FHIT: variants seen among roughly 807,000 people sequenced by gnomAD.
The protein encoded by FHIT is bis(5'-adenosyl)-triphosphatase.
FHIT carries 19 observed loss-of-function variants against 17.9 expected under a neutral mutation model. That is an observed-to-expected ratio of 1.06 (90% confidence interval 0.74 to 1.56). FHIT has a LOEUF of 1.56. FHIT is among the 40% of genes most tolerant of loss of function. The pLI, the probability that FHIT is intolerant of heterozygous loss-of-function variation, is 0.00. For missense variants in FHIT, 248 were observed against 189.2 expected, an observed-to-expected ratio of 1.31 and a Z score of -1.82; for synonymous variants, 81 against 69.7, an observed-to-expected ratio of 1.16 and a Z score of -0.81.
At chr3:60,189,193 G>A (rs1280034359) in intron 5 of FHIT, among the ~76,000 whole-genome samples, 4 of 150,584 alleles carry the variant, frequency 2.7e-5, no homozygotes, top group Non-Finnish European at 5.9e-5. Flanking sequence ...TCAAATAAAT[G>A]AAAGGGAAAA....
intron 5 of FHIT, among the ~76,000 whole-genome samples, chr3:60,489,724 T>C (rs1365674930): frequency 6.6e-6 from 1 of 152,208 alleles, no homozygotes; most frequent in African/African-American, 2.4e-5. Flanking sequence ...GTGGTAATTT[T>C]TGGGGATCTC....
intron 2 of FHIT, among the ~76,000 whole-genome samples, chr3:61,126,845 C>T (rs1331447214): frequency 1.3e-5 from 2 of 151,914 alleles, no homozygotes; most frequent in Non-Finnish European, 2.9e-5. Flanking sequence ...TTGTAAAAAC[C>T]CCAAGAAGAT....
At chr3:60,246,424 C>T (rs1705399070) in intron 5 of FHIT, among the ~76,000 whole-genome samples, 1 of 152,034 alleles carries the variant, frequency 6.6e-6, no homozygotes, top group Non-Finnish European at 1.5e-5. Flanking sequence ...AAACAGTTCA[C>T]AGGTTTCTTA....
chr3:59,991,530 C>A (rs1709232985), intron 7 of FHIT, among the ~76,000 whole-genome samples: 1 of 151,940 alleles, frequency 6.6e-6, no homozygotes, highest in African/African-American at 2.4e-5. Context: ...TATTATAATC[C>A]CAAACAGACA....
intron 4 of FHIT, among the ~76,000 whole-genome samples, chr3:60,716,617 T>C (rs1553706888): frequency 6.6e-6 from 1 of 152,196 alleles, no homozygotes; most frequent in Admixed American, 6.5e-5. Context: ...TATAGTTAAC[T>C]GTTCTTTAAT....
intron 8 of FHIT, among the ~76,000 whole-genome samples, chr3:59,767,262 G>T (rs1205785929): frequency 6.6e-6 from 1 of 152,170 alleles, no homozygotes; most frequent in African/African-American, 2.4e-5. Context: ...ACTTTCGGAG[G>T]CTGAGGCAGG....
chr3:60,887,704 C>CA (rs533916037), intron 3 of FHIT, among the ~76,000 whole-genome samples: 108 of 151,934 alleles, frequency 7.1e-4, no homozygotes, highest in African/African-American at 2.4e-3. Context: ...TCCCTTTTAC[C>CA]AAAAAAGGGT....
At chr3:60,826,623 C>G (rs921315331) in intron 3 of FHIT, among the ~76,000 whole-genome samples, 1 of 152,178 alleles carries the variant, frequency 6.6e-6, no homozygotes, top group African/African-American at 2.4e-5. Context: ...AGCAGACTGT[C>G]TCAGCGTGGA....
At chr3:59,859,219 G>T (rs530435590) in intron 8 of FHIT, among the ~76,000 whole-genome samples, 1 of 152,146 alleles carries the variant, frequency 6.6e-6, no homozygotes, top group African/African-American at 2.4e-5. Flanking sequence ...GTGGGGATAC[G>T]GTCAGTGTGG....
intron 8 of FHIT, among the ~76,000 whole-genome samples, chr3:59,869,842 C>T (rs190000536): frequency 1.3e-5 from 2 of 152,102 alleles, no homozygotes; most frequent in African/African-American, 4.8e-5. Flanking sequence ...GAAAGCTGCC[C>T]ACTGTAATTC....
chr3:60,894,852 TC>T (rs1705706843), intron 3 of FHIT, among the ~76,000 whole-genome samples: 1 of 152,138 alleles, frequency 6.6e-6, no homozygotes, highest in African/African-American at 2.4e-5. Flanking sequence ...CTGCTCCCCT[TC>T]CCTCAAACAA....
chr3:60,570,727 A>G (rs1043618046), intron 4 of FHIT, among the ~76,000 whole-genome samples: 1 of 58,946 alleles, frequency 1.7e-5, no homozygotes. Context: ...TACTTAGTAC[A>G]TTAAAAAATT....
intron 4 of FHIT, among the ~76,000 whole-genome samples, chr3:60,706,514 G>C (rs1483300073): frequency 6.6e-6 from 1 of 152,110 alleles, no homozygotes; most frequent in Admixed American, 6.6e-5. Context: ...CAAGTCTTTG[G>C]GTTAGAATGA....
At chr3:60,273,487 G>A (rs1434513009) in intron 5 of FHIT, among the ~76,000 whole-genome samples, 3 of 152,012 alleles carry the variant, frequency 2.0e-5, no homozygotes, top group Admixed American at 6.6e-5. Context: ...GCGGGTGCCT[G>A]TCCTCCCAGC....
chr3:60,526,655 T>A (rs879899650), intron 5 of FHIT, among the ~76,000 whole-genome samples: 4 of 152,146 alleles, frequency 2.6e-5, no homozygotes, highest in Non-Finnish European at 5.9e-5. Context: ...CATTCAAGAA[T>A]GCAAAGATGA....
At chr3:60,201,637 A>G (rs982369800) in intron 5 of FHIT, among the ~76,000 whole-genome samples, 1 of 152,140 alleles carries the variant, frequency 6.6e-6, no homozygotes, top group South Asian at 2.1e-4. Flanking sequence ...TTAACCACCT[A>G]TTGCAGTACT....
chr3:61,223,163 C>T (rs767426709), intron 1 of FHIT, among the ~76,000 whole-genome samples: 5 of 152,292 alleles, frequency 3.3e-5, no homozygotes, highest in East Asian at 3.9e-4. Context: ...GGCCTAACAA[C>T]ATCTGACATT....
chr3:59,762,437 A>G (rs997862429), intron 8 of FHIT, among the ~76,000 whole-genome samples: 1 of 152,148 alleles, frequency 6.6e-6, no homozygotes, highest in African/African-American at 2.4e-5. Flanking sequence ...ACATAAAACA[A>G]GGAACTTAAA....
intron 4 of FHIT, among the ~76,000 whole-genome samples, chr3:60,636,490 A>G (rs1440294841): frequency 6.6e-6 from 1 of 152,178 alleles, no homozygotes; most frequent in African/African-American, 2.4e-5. Context: ...ATAAATTCCT[A>G]TGGATGGACA....
Sources: gnomAD v4.1 joint callset for allele counts (sites outside exome capture counted in the v4.1 genomes callset) on GRCh38, gnomAD v4.1.1 for gene constraint, MANE v1.5 for transcripts, NCBI Gene and HGNC (gene_info 2026-07-23, HGNC 2026-07-21) for gene names.